Variants in ADGRB3 observed in about 807,000 individuals in gnomAD.
The protein encoded by ADGRB3 is brain-specific angiogenesis inhibitor 3.
In ADGRB3, 37 loss-of-function variants were observed where a neutral mutation model predicts 193.4. The observed-to-expected ratio is 0.19, with a 90% confidence interval of 0.15 to 0.25. ADGRB3 has a LOEUF of 0.25. Among genes scored for constraint, ADGRB3 ranks in the 10% least tolerant of loss-of-function variants. ADGRB3 has a pLI of 1.00. For synonymous variants in ADGRB3, 690 were observed against 644.2 expected (o/e 1.07, Z -1.08); for missense variants, 1,637 against 1,852.9 (o/e 0.88, Z 2.14).
chr6:68,876,196 A>G (rs1460090224), intron 3 of ADGRB3, among the ~76,000 whole-genome samples: 2 of 152,314 alleles, frequency 1.3e-5, no homozygotes, highest in East Asian at 3.9e-4. Flanking sequence ...CACATATACA[A>G]GATGACTTAC....
intron 3 of ADGRB3, among the ~76,000 whole-genome samples, chr6:68,866,978 A>C (rs1308500923): frequency 6.6e-6 from 1 of 152,246 alleles, no homozygotes; most frequent in Admixed American, 6.5e-5. Flanking sequence ...GCAGAGTATA[A>C]AAGTTTGAAA....
At chr6:68,881,907 T>C (rs911096891) in intron 3 of ADGRB3, among the ~76,000 whole-genome samples, 4 of 152,208 alleles carry the variant, frequency 2.6e-5, no homozygotes, top group African/African-American at 9.6e-5. Context: ...ATAATTATAG[T>C]TTTTATTTCA....
intron 3 of ADGRB3, among the ~76,000 whole-genome samples, chr6:68,912,484 C>A (rs1327808507): frequency 1.3e-5 from 2 of 151,832 alleles, no homozygotes; most frequent in East Asian, 3.9e-4. Context: ...CATCATTTAG[C>A]ATTAGGTATA....
intron 28 of ADGRB3, among the ~76,000 whole-genome samples, chr6:69,360,553 C>T (rs934466232): frequency 2.0e-5 from 3 of 151,838 alleles, no homozygotes; most frequent in Non-Finnish European, 4.4e-5. Flanking sequence ...CTGGTAATCT[C>T]CTATTTCCCT....
At chr6:68,839,517 T>C (rs944915267) in intron 3 of ADGRB3, among the ~76,000 whole-genome samples, 44 of 152,296 alleles carry the variant, frequency 2.9e-4, no homozygotes, top group African/African-American at 1.1e-3. Flanking sequence ...GACCAAACTT[T>C]ACATAGATGT....
At chr6:69,252,681 C>G (rs1284908193) in intron 20 of ADGRB3, among the ~76,000 whole-genome samples, 2 of 151,916 alleles carry the variant, frequency 1.3e-5, no homozygotes, top group African/African-American at 4.8e-5. Context: ...TCATTTCTCT[C>G]TTTTTTATTT....
chr6:69,006,313 T>C (rs1769747959), intron 11 of ADGRB3, among the ~76,000 whole-genome samples: 1 of 151,948 alleles, frequency 6.6e-6, no homozygotes, highest in African/African-American at 2.4e-5. Context: ...ATCAGCCAAG[T>C]GCATCAGGGG....
intron 3 of ADGRB3, among the ~76,000 whole-genome samples, chr6:68,815,227 G>A (rs1767606462): frequency 6.6e-6 from 1 of 152,060 alleles, no homozygotes; most frequent in Non-Finnish European, 1.5e-5. Context: ...AGTGTTCAAT[G>A]GGGAGTTTAA....
At chr6:69,371,939 G>A (rs575862112) in intron 29 of ADGRB3, among the ~76,000 whole-genome samples, 345 of 152,234 alleles carry the variant, frequency 2.3e-3, no homozygotes, top group African/African-American at 7.9e-3. Context: ...TTGGGACTTA[G>A]AGGACTGGTT....
intron 3 of ADGRB3, among the ~76,000 whole-genome samples, chr6:68,870,617 C>T (rs574907804): frequency 1.8e-4 from 27 of 152,202 alleles, no homozygotes; most frequent in African/African-American, 5.3e-4. Flanking sequence ...CCGAGTTATC[C>T]GACAATGAAG....
intron 3 of ADGRB3, among the ~76,000 whole-genome samples, chr6:68,900,376 TA>T (rs1173886087): frequency 1.6e-4 from 25 of 152,226 alleles, no homozygotes; most frequent in Middle Eastern, 6.8e-3. Flanking sequence ...AATAGTTGGC[TA>T]GATATTCAGG....
At chr6:68,823,939 A>G (rs532970647) in intron 3 of ADGRB3, among the ~76,000 whole-genome samples, 1 of 152,232 alleles carries the variant, frequency 6.6e-6, no homozygotes, top group African/African-American at 2.4e-5. Flanking sequence ...TTTTCTGAGA[A>G]CTTCAGTTTT....
intron 17 of ADGRB3, among the ~76,000 whole-genome samples, chr6:69,084,572 A>G (rs1338375967): frequency 6.6e-6 from 1 of 152,164 alleles, no homozygotes; most frequent in Non-Finnish European, 1.5e-5. Context: ...AAAATAAATA[A>G]TATTTTTCAA....
intron 20 of ADGRB3, among the ~76,000 whole-genome samples, chr6:69,254,708 CTTT>C (rs1233475191): frequency 6.9e-6 from 1 of 144,244 alleles, no homozygotes; most frequent in African/African-American, 2.5e-5. Flanking sequence ...TTTTTTTTTT[CTTT>C]TTTTTATTAT....
intron 3 of ADGRB3, among the ~76,000 whole-genome samples, chr6:68,659,356 T>G (rs1368288299): frequency 6.6e-6 from 1 of 150,874 alleles, no homozygotes; most frequent in African/African-American, 2.4e-5. Context: ...TCAGAGAACT[T>G]ATGTAGGTCA....
chr6:68,707,654 A>G (rs1765347855), intron 3 of ADGRB3, among the ~76,000 whole-genome samples: 2 of 152,212 alleles, frequency 1.3e-5, no homozygotes, highest in African/African-American at 4.8e-5. Context: ...CTTTGTTCTT[A>G]TTAAAATAAG....
rs547648563 is a variant in ADGRB3 at position 68,685,732 on chromosome 6, GA to G, written c.757+46311del. Among the ~76,000 whole-genome samples, 267 of 145,556 alleles carry G rather than the reference GA, an allele frequency of 1.8e-3. 1 individual carries two copies. Among genetic ancestry groups the G allele is most frequent in the African/African-American group, 3.7e-3 (149 of 39,862 alleles). On this transcript the variant is annotated intron_variant, in intron 3 of 31. Transcript: ENST00000370598. ...TCTCTACTAAAAAAAATACAAAAAA[GA>G]AAAAAAAAAATTAGCCGGGCATGGT...
At chr6:69,294,268 AAGAT>A (rs1402505222) in intron 20 of ADGRB3, among the ~76,000 whole-genome samples, 1 of 152,060 alleles carries the variant, frequency 6.6e-6, no homozygotes, top group African/African-American at 2.4e-5. Flanking sequence ...CTCTATTACA[AAGAT>A]AGATTCAGAG....
intron 3 of ADGRB3, among the ~76,000 whole-genome samples, chr6:68,889,942 T>C (rs575690689): frequency 1.3e-5 from 2 of 152,202 alleles, no homozygotes; most frequent in South Asian, 4.1e-4. Flanking sequence ...TATCATTATA[T>C]AGGTATATAA....
Sources: gnomAD v4.1 joint callset for allele counts (sites outside exome capture counted in the v4.1 genomes callset) on GRCh38, gnomAD v4.1.1 for gene constraint, MANE v1.5 for transcripts, NCBI Gene and HGNC (gene_info 2026-07-23, HGNC 2026-07-21) for gene names.